Variants in CHRNA7 observed in about 807,000 individuals in gnomAD.
CHRNA7 encodes cholinergic receptor nicotinic alpha 7 subunit, also known as neuronal acetylcholine receptor subunit alpha-7.
Under a neutral mutation model 48.0 loss-of-function variants are expected in CHRNA7, and 17 were observed. The ratio of observed to expected loss-of-function variants is 0.35; its 90% CI spans 0.24 to 0.53. The LOEUF is 0.53. Ranked by LOEUF, CHRNA7 falls within the 20% of genes least tolerant of loss-of-function variation. The pLI is 0.92. For missense variants in CHRNA7, 155 were observed against 577.7 expected (o/e 0.27, Z 7.50); for synonymous variants, 75 against 242.3 (o/e 0.31, Z 6.41).
Position 32,067,013 on chromosome 15 carries a change from T to C in CHRNA7, c.196-34290T>C, listed in dbSNP as rs575862974. Among the ~76,000 whole-genome samples the C allele has an allele frequency of 2.0e-5, 3 of 151,574 alleles. No homozygotes were observed. The East Asian group carries it at 5.8e-4, about 29-fold the overall frequency. ...AACTGAGAAAAAAAATGGGGAAAAA[T>C]GAACTAAGCATCAGAAACCTGTGAG... On this transcript the variant is annotated intron_variant, in intron 2 of 9. Transcript: ENST00000306901.
At chr15:32,152,407 C>A (rs994465892) in intron 4 of CHRNA7, among the ~76,000 whole-genome samples, 2 of 152,170 alleles carry the variant, frequency 1.3e-5, no homozygotes, top group African/African-American at 4.8e-5. Context: ...CGTGCCCCTG[C>A]ACTCCAGCCT....
intron 4 of CHRNA7, among the ~76,000 whole-genome samples, chr15:32,146,583 T>A (rs1279285629): frequency 6.6e-6 from 1 of 152,252 alleles, no homozygotes; most frequent in Non-Finnish European, 1.5e-5. Flanking sequence ...TGTGTTTCTA[T>A]ATTCTTACAA....
At chr15:32,114,057 T>TAC (rs1423938803) in intron 4 of CHRNA7, among the ~76,000 whole-genome samples, 168 of 34,168 alleles carry the variant, frequency 4.9e-3, no homozygotes, top group African/African-American at 9.3e-3. Context: ...TATATATATA[T>TAC]ATACATATAT....
At chr15:32,133,240 T>C (rs1010033007) in intron 4 of CHRNA7, among the ~76,000 whole-genome samples, 17 of 152,252 alleles carry the variant, frequency 1.1e-4, no homozygotes, top group African/African-American at 3.9e-4. Context: ...TTTTGTTTCA[T>C]ACATCTGGAG....
At chr15:32,092,409 C>T (rs2050398373) in intron 2 of CHRNA7, among the ~76,000 whole-genome samples, 2 of 152,122 alleles carry the variant, frequency 1.3e-5, no homozygotes, top group South Asian at 4.1e-4. Flanking sequence ...TTCCAGGCTA[C>T]TTTGTATATT....
intron 2 of CHRNA7, among the ~76,000 whole-genome samples, chr15:32,076,279 A>G (rs1399400598): frequency 6.6e-6 from 1 of 152,158 alleles, no homozygotes; most frequent in Non-Finnish European, 1.5e-5. Context: ...CTCCAGCTAT[A>G]ATTGTGGATG....
At chr15:32,099,162 G>A (rs899732716) in intron 2 of CHRNA7, 10 of 152,312 alleles carry the variant, frequency 6.6e-5, no homozygotes, top group African/African-American at 2.2e-4. Flanking sequence ...ATGAGTAGAG[G>A]ACAGCCTCTG....
intron 2 of CHRNA7, among the ~76,000 whole-genome samples, chr15:32,057,395 A>C (rs74729524): frequency 0.014 from 2,058 of 152,204 alleles, 16 homozygotes; most frequent in Admixed American, 0.024. Context: ...AAAAGAAAAA[A>C]ATTTCCCTAA....
At chr15:32,090,131 TAGTGGTATAGC>T (rs140927052) in intron 2 of CHRNA7, among the ~76,000 whole-genome samples, 3,022 of 152,276 alleles carry the variant, frequency 0.02, 95 homozygotes, top group African/African-American at 0.07. Flanking sequence ...AGTGTTTCTC[TAGTGGTATAGC>T]AGTGGTATAG....
intron 2 of CHRNA7, among the ~76,000 whole-genome samples, chr15:32,080,207 A>G (rs191753099): frequency 3.3e-5 from 5 of 152,306 alleles, no homozygotes; most frequent in Admixed American, 1.3e-4. Context: ...CTAGAAGAAA[A>G]TGTAGGCACT....
chr15:32,118,620 G>A (rs1266592886), intron 4 of CHRNA7, among the ~76,000 whole-genome samples: 2 of 152,126 alleles, frequency 1.3e-5, no homozygotes, highest in African/African-American at 2.4e-5. Context: ...CATCATGGTC[G>A]CTCTTGCTGT....
intron 4 of CHRNA7, among the ~76,000 whole-genome samples, chr15:32,124,184 T>C (rs1167073281): frequency 6.6e-6 from 1 of 152,042 alleles, no homozygotes; most frequent in African/African-American, 2.4e-5. Flanking sequence ...AAGGTTGAAA[T>C]GAAAAGGATC....
intron 4 of CHRNA7, among the ~76,000 whole-genome samples, chr15:32,115,459 T>C (rs957591450): frequency 2.6e-5 from 4 of 152,068 alleles, no homozygotes; most frequent in East Asian, 1.9e-4. Context: ...CTGGACACAC[T>C]GTGCAGCCCC....
At chr15:32,065,916 C>T (rs528058619) in intron 2 of CHRNA7, among the ~76,000 whole-genome samples, 56 of 128,382 alleles carry the variant, frequency 4.4e-4, no homozygotes, top group Middle Eastern at 3.9e-3. Context: ...CAGCCCACTG[C>T]GAACACTGGG....
At chr15:32,150,305 C>T (rs1202418980) in intron 4 of CHRNA7, among the ~76,000 whole-genome samples, 1 of 152,166 alleles carries the variant, frequency 6.6e-6, no homozygotes, top group Admixed American at 6.5e-5. Flanking sequence ...TGATCCTCCC[C>T]TCTGGGCCTC....
intron 2 of CHRNA7, among the ~76,000 whole-genome samples, chr15:32,095,526 G>A (rs553573948): frequency 6.9e-4 from 105 of 152,214 alleles, no homozygotes; most frequent in African/African-American, 2.3e-3. Flanking sequence ...GAAGGGTGGC[G>A]TTGCTTTTTA....
At chr15:32,080,159 A>G (rs979683198) in intron 2 of CHRNA7, among the ~76,000 whole-genome samples, 1 of 152,236 alleles carries the variant, frequency 6.6e-6, no homozygotes, top group Admixed American at 6.5e-5. Context: ...CTCAGGGTGG[A>G]TTAAAGACTT....
At chr15:32,031,169 A>G (rs1566788872) in intron 2 of CHRNA7, 132 bp downstream of exon 2, 10 of 1,062,698 alleles carry the variant, frequency 9.4e-6, no homozygotes, top group Admixed American at 2.2e-5. Flanking sequence ...AGGCAGGGCC[A>G]TGCTCTGAGT....
chr15:32,044,396 G>C (rs1218853427), intron 2 of CHRNA7, among the ~76,000 whole-genome samples: 2 of 152,108 alleles, frequency 1.3e-5, no homozygotes, highest in African/African-American at 4.8e-5. Context: ...TTCTGCCTCA[G>C]CCTCCCGAGT....
Sources: allele counts gnomAD v4.1 joint callset (sites outside exome capture counted in the v4.1 genomes callset), GRCh38; gene constraint gnomAD v4.1.1; transcripts MANE v1.5; gene names NCBI Gene and HGNC (gene_info 2026-07-23, HGNC 2026-07-21).